Variants in ATP6V0A4 observed in about 807,000 individuals in gnomAD.
ATP6V0A4 encodes the protein ATPase H+ transporting V0 subunit a4.
ATP6V0A4 carries 86 observed loss-of-function variants against 107.3 expected under a neutral mutation model. The observed-to-expected ratio is 0.80, with a 90% confidence interval of 0.67 to 0.96. The LOEUF (loss-of-function observed/expected upper bound fraction) is 0.96, where lower values mean the gene tolerates loss of function less well. Ranked by LOEUF, ATP6V0A4 falls within the 40% of genes least tolerant of loss-of-function variation. ATP6V0A4 has a pLI of 0.00. For synonymous variants in ATP6V0A4, 353 were observed against 381.4 expected (o/e 0.93, Z 0.87); for missense variants, 908 against 1,045.6 (o/e 0.87, Z 1.81).
chr7:138,715,822 GC>G lies in ATP6V0A4; in HGVS notation c.2198del (p.Gly733AlafsTer30). 6.2e-7 allele frequency: 1 copy of G among 1,613,898 alleles called. No individual in the cohort carries two copies. The highest frequency in any genetic ancestry group is 8.5e-7 in the Non-Finnish European group (1 of 1,179,888). ...GGTAGGAGGCTGTGTTTGAAATGCA[GC>G]CCAGGCAGTACTCGATGGTGTGGAT... ...QAIHTIEYCL[G>X]CISNTASYLR... On this transcript the variant is annotated frameshift_variant, in exon 20 of 22. Transcript: ENST00000310018. LOFTEE classifies it high-confidence loss of function.
At chr7:138,776,916 G>A (rs1004650889) in intron 2 of ATP6V0A4, among the ~76,000 whole-genome samples, 19 of 152,132 alleles carry the variant, frequency 1.2e-4, no homozygotes, top group African/African-American at 4.6e-4. Flanking sequence ...GGAGCCTGAG[G>A]CAGGAGGATC....
At chr7:138,721,839 C>T in intron 19 of ATP6V0A4, 58 bp downstream of exon 19, 4 of 1,601,858 alleles carry the variant, frequency 2.5e-6, no homozygotes, top group Non-Finnish European at 3.4e-6. Flanking sequence ...CTGCCTATGT[C>T]CATTCTAGAA....
chr7:138,759,946 G>C, intron 7 of ATP6V0A4, 68 bp from the exon 8 acceptor site: 1 of 1,610,618 alleles, frequency 6.2e-7, no homozygotes, highest in African/African-American at 1.3e-5. Flanking sequence ...AGGCCCTGTA[G>C]GACGTGAAGA....
intron 1 of ATP6V0A4, among the ~76,000 whole-genome samples, chr7:138,792,769 T>TG (rs1563025259): frequency 1.4e-4 from 11 of 80,354 alleles, no homozygotes; most frequent in South Asian, 4.7e-4. Flanking sequence ...CAGGTTTGTT[T>TG]TTTTTTTTGT....
chr7:138,792,765 T>TG, intron 1 of ATP6V0A4, among the ~76,000 whole-genome samples: 1 of 87,782 alleles, frequency 1.1e-5, no homozygotes, highest in East Asian at 4.2e-4. Flanking sequence ...AACTCAGGTT[T>TG]GTTTTTTTTT....
chr7:138,722,744 CAAAAAA>C (rs71169049), intron 18 of ATP6V0A4, among the ~76,000 whole-genome samples: 156 of 33,452 alleles, frequency 4.7e-3, no homozygotes, highest in African/African-American at 0.017. Flanking sequence ...GACTCCATCT[CAAAAAA>C]AAAAAAAAAA....
At chr7:138,797,682 G>T (rs1808749470) in intron 1 of ATP6V0A4, among the ~76,000 whole-genome samples, 1 of 152,072 alleles carries the variant, frequency 6.6e-6, no homozygotes, top group Non-Finnish European at 1.5e-5. Flanking sequence ...CCCAACTTCA[G>T]CATAGTGGGT....
rs540682185 is a variant in ATP6V0A4 at position 138,756,407 on chromosome 7, A to T, written c.722+51T>A. The T allele has an allele frequency of 3.5e-5, 56 of 1,611,902 alleles. No homozygotes were observed. In the South Asian group the frequency reaches 5.8e-4, roughly 17 times the overall value. On this transcript the variant is annotated intron_variant, in intron 9 of 21. Coordinates refer to ENST00000310018, the MANE Select transcript of ATP6V0A4 (RefSeq NM_020632.3). ...TGCATTTGGCATTGCACATCTCTTT[A>T]TCTAATCCTGGCCCAAATCACTGAA...
intron 17 of ATP6V0A4, among the ~76,000 whole-genome samples, chr7:138,731,757 G>C (rs1043069466): frequency 1.3e-5 from 2 of 152,058 alleles, no homozygotes; most frequent in African/African-American, 2.4e-5. Context: ...GCCAGGCCTG[G>C]TGGCAGGTGC....
chr7:138,733,273 A>C lies in ATP6V0A4; in HGVS notation c.1692-180T>G, dbSNP rs1273125658. 3 of 578,672 alleles carry C rather than the reference A, an allele frequency of 5.2e-6. No individual in the cohort carries two copies. The South Asian group carries it at 2.3e-4, about 45-fold the overall frequency. 35.8% of individuals were successfully genotyped at this position (578,672 alleles called of 1,614,324 possible). On this transcript the variant is annotated intron_variant, in intron 16 of 21. Coordinates refer to ENST00000310018, the MANE Select transcript of ATP6V0A4 (RefSeq NM_020632.3). ...GCAATCCTGTATGGATGCATAGAAA[A>C]GAAAATTGAAAGGAAATACTGGAAA...
At chr7:138,797,956 T>C in intron 1 of ATP6V0A4, 78 bp downstream of exon 1, 3 of 1,538,408 alleles carry the variant, frequency 2.0e-6, no homozygotes, top group African/African-American at 1.4e-5. Flanking sequence ...CACCCCATGG[T>C]GTTTCCCCCA....
chr7:138,795,456 C>A (rs888665554), intron 1 of ATP6V0A4, among the ~76,000 whole-genome samples: 8 of 152,154 alleles, frequency 5.3e-5, no homozygotes, highest in African/African-American at 1.9e-4. Context: ...CCAGGCAGGC[C>A]ATCTTACATG....
intron 6 of ATP6V0A4, 91 bp downstream of exon 6, chr7:138,762,808 AT>A: frequency 7.1e-7 from 1 of 1,410,192 alleles, no homozygotes. Flanking sequence ...AAACAGAGTG[AT>A]TTACTCAGAT....
chr7:138,754,077 T>C (rs908258167), intron 10 of ATP6V0A4, among the ~76,000 whole-genome samples: 6 of 151,974 alleles, frequency 3.9e-5, no homozygotes, highest in African/African-American at 1.2e-4. Context: ...GCATGGAGAA[T>C]TGGGGGGAAA....
chr7:138,765,334 T>C (rs1807032265), intron 5 of ATP6V0A4, among the ~76,000 whole-genome samples: 1 of 152,162 alleles, frequency 6.6e-6, no homozygotes, highest in Non-Finnish European at 1.5e-5. Flanking sequence ...GGGGGAAAAG[T>C]AAATCTTCAT....
chr7:138,718,235 C>G, intron 19 of ATP6V0A4, among the ~76,000 whole-genome samples: 1 of 31,546 alleles, frequency 3.2e-5, no homozygotes, highest in African/African-American at 2.0e-4. Context: ...TGTGTGCGCG[C>G]AGTTATGGAT....
At chr7:138,771,353 T>A in intron 2 of ATP6V0A4, 89 bp from the exon 3 acceptor site, 1 of 1,421,244 alleles carries the variant, frequency 7.0e-7, no homozygotes, top group Non-Finnish European at 9.5e-7. Context: ...AATTAAAATC[T>A]AACAGGGAAA....
At chr7:138,717,005 G>A (rs1804075542) in intron 19 of ATP6V0A4, among the ~76,000 whole-genome samples, 1 of 152,188 alleles carries the variant, frequency 6.6e-6, no homozygotes, top group African/African-American at 2.4e-5. Flanking sequence ...ACACAGAGAA[G>A]GCCCCTTACC....
intron 4 of ATP6V0A4, 66 bp downstream of exon 4, chr7:138,769,106 CA>C: frequency 6.3e-7 from 1 of 1,598,108 alleles, no homozygotes; most frequent in Non-Finnish European, 8.5e-7. Context: ...TTAAGTCCTG[CA>C]AACTATTAAC....
Sources: gnomAD v4.1 joint callset for allele counts (sites outside exome capture counted in the v4.1 genomes callset) on GRCh38, gnomAD v4.1.1 for gene constraint, MANE v1.5 for transcripts, NCBI Gene and HGNC (gene_info 2026-07-23, HGNC 2026-07-21) for gene names.